Variants in CCDC144A observed in about 807,000 individuals in gnomAD.
CCDC144A encodes coiled-coil domain-containing protein 144A.
In CCDC144A, 41 loss-of-function variants were observed where a neutral mutation model predicts 143.8. That is an observed-to-expected ratio of 0.29 (90% confidence interval 0.22 to 0.37). The LOEUF is 0.37. CCDC144A is among the 10% of genes least tolerant of loss of function. The pLI is 1.00. For synonymous variants in CCDC144A, 242 were observed against 517.9 expected, an observed-to-expected ratio of 0.47 and a Z score of 7.23; for missense variants, 637 against 1,488.8, an observed-to-expected ratio of 0.43 and a Z score of 9.41.
intron 12 of CCDC144A, among the ~76,000 whole-genome samples, chr17:16,755,210 A>G (rs1915020344): frequency 6.6e-6 from 1 of 152,044 alleles, no homozygotes; most frequent in Non-Finnish European, 1.5e-5. Flanking sequence ...TTAATTGGGG[A>G]ATTTAAATCA....
At chr17:16,681,220 A>G in the CCDC144A span, among the ~76,000 whole-genome samples, 1 of 152,018 alleles carries the variant, frequency 6.6e-6, no homozygotes, top group South Asian at 2.1e-4. Flanking sequence ...GGATATTTAA[A>G]TCCCATGCCT....
intron 12 of CCDC144A, among the ~76,000 whole-genome samples, chr17:16,749,153 C>T (rs1208773395): frequency 1.3e-5 from 2 of 151,810 alleles, no homozygotes; most frequent in African/African-American, 2.4e-5. Context: ...TTATTTTGTT[C>T]TTGTTTTTTA....
In CCDC144A at chr17:16,690,579, G is replaced by A. The variant is rs773397079; in HGVS notation, c.179G>A (p.Ser60Asn). Reference sequence around the variant, plus strand: ...AGCTGGTGGAAAAACAGCGTCGGCAGCGAGAGCAAGCACGGTGAGGGCGCC... The same window carrying A: ...AGCTGGTGGAAAAACAGCGTCGGCAACGAGAGCAAGCACGGTGAGGGCGCC... ...PYSWWKNSVG[S>N]ESKHGEGALD... is the part of the protein sequence containing the mutation. Residue 60 changes from serine to asparagine, a missense_variant, in exon 1 of 17, where the codon AGC becomes AAC. By Grantham distance (46) the Ser-to-Asn change is conservative. Coordinates refer to ENST00000399273, the MANE Select transcript of CCDC144A (RefSeq NM_001382000.1). The A allele has an allele frequency of 1.2e-6, 2 of 1,613,802 alleles. No homozygotes were observed. Among genetic ancestry groups the A allele is most frequent in the South Asian group, 2.2e-5 (2 of 91,070 alleles).
At chr17:16,744,049 G>A (rs1318329708) in intron 12 of CCDC144A, among the ~76,000 whole-genome samples, 1 of 152,168 alleles carries the variant, frequency 6.6e-6, no homozygotes, top group Non-Finnish European at 1.5e-5. Context: ...ATTCCATATT[G>A]TATATGTGCT....
the CCDC144A span, among the ~76,000 whole-genome samples, chr17:16,670,187 A>C: frequency 6.6e-6 from 1 of 152,048 alleles, no homozygotes; most frequent in African/African-American, 2.4e-5. Flanking sequence ...TCTCAAAAAT[A>C]AAAAGTAAAG....
intron 6 of CCDC144A, among the ~76,000 whole-genome samples, chr17:16,714,055 ACTCT>A (rs1466326270): frequency 6.6e-6 from 1 of 151,162 alleles, no homozygotes; most frequent in South Asian, 2.1e-4. Flanking sequence ...CCAATGGAAA[ACTCT>A]CTCCTCCATA....
chr17:16,716,008 G>A (rs894719), intron 6 of CCDC144A, among the ~76,000 whole-genome samples: 15 of 152,212 alleles, frequency 9.9e-5, no homozygotes, highest in Non-Finnish European at 1.9e-4. Context: ...TGTTACAAAT[G>A]TAGCTACTAA....
intron 9 of CCDC144A, among the ~76,000 whole-genome samples, chr17:16,728,876 T>C (rs1036313625): frequency 6.6e-6 from 1 of 152,222 alleles, no homozygotes; most frequent in Admixed American, 6.5e-5. Context: ...TCACTTAGAA[T>C]AATGGCCTCC....
intron 15 of CCDC144A, among the ~76,000 whole-genome samples, chr17:16,768,306 G>C (rs1915692150): frequency 1.3e-5 from 2 of 151,572 alleles, no homozygotes; most frequent in Admixed American, 6.6e-5. Context: ...AATAAAACTT[G>C]TTTAATACCA....
the CCDC144A span, among the ~76,000 whole-genome samples, chr17:16,682,883 GTTTTTTTTTTTTTTTTTT>G: frequency 9.3e-4 from 43 of 46,456 alleles, no homozygotes; most frequent in South Asian, 7.9e-3. Context: ...TGGATTCTCT[GTTTTTTTTTTTTTTTTTT>G]TTTTTTTTTT....
At chr17:16,679,089 G>A in the CCDC144A span, among the ~76,000 whole-genome samples, 1 of 63,916 alleles carries the variant, frequency 1.6e-5, no homozygotes, top group Non-Finnish European at 2.7e-5. Flanking sequence ...TAGAGATGGC[G>A]GGGGGGGGTC....
intron 8 of CCDC144A, among the ~76,000 whole-genome samples, chr17:16,721,909 T>C (rs1913111871): frequency 6.6e-6 from 1 of 152,226 alleles, no homozygotes; most frequent in African/African-American, 2.4e-5. Flanking sequence ...ACAGTTTTAC[T>C]TCTTCTTTTC....
the CCDC144A span, among the ~76,000 whole-genome samples, chr17:16,679,949 C>T: frequency 6.6e-5 from 10 of 151,994 alleles, no homozygotes; most frequent in African/African-American, 1.9e-4. Context: ...TGTTTACCTT[C>T]TGTTATAAAG....
chr17:16,675,183 C>T, the CCDC144A span, among the ~76,000 whole-genome samples: 7 of 150,866 alleles, frequency 4.6e-5, no homozygotes, highest in Admixed American at 2.0e-4. Flanking sequence ...GCAAGAGAAG[C>T]GCCTGAACCT....
Position 16,736,235 on chromosome 17 carries a change from CTTTTTTT to C in CCDC144A, c.3372+607_3372+613del, listed in dbSNP as rs71214289. 1.5e-4 allele frequency among the ~76,000 whole-genome samples: 15 copies of C among 98,198 alleles called. No individual in the cohort carries two copies. In the South Asian group the frequency reaches 1.9e-3, roughly 12 times the overall value. 64.4% of individuals were successfully genotyped at this position (98,198 alleles called of 152,430 possible). ...CCTCTCAATTCTTTAAAGGCATTTA[CTTTTTTT>C]TTTTTTTTTTTTTTGAGATGGAATT... On this transcript the variant is annotated intron_variant, in intron 12 of 16. Transcript: ENST00000399273.
chr17:16,733,639 G>A (rs964109924), intron 11 of CCDC144A, among the ~76,000 whole-genome samples: 1 of 150,364 alleles, frequency 6.7e-6, no homozygotes, highest in Non-Finnish European at 1.5e-5. Flanking sequence ...TCTAAGAAAA[G>A]CTCTGTAACT....
At chr17:16,704,545 C>T (rs1834408998) in intron 2 of CCDC144A, among the ~76,000 whole-genome samples, 1 of 151,246 alleles carries the variant, frequency 6.6e-6, no homozygotes, top group Admixed American at 6.6e-5. Context: ...TTTCCTGTCT[C>T]GTGGCACTGT....
chr17:16,695,986 G>C (rs1260824808), intron 2 of CCDC144A, among the ~76,000 whole-genome samples: 1 of 152,016 alleles, frequency 6.6e-6, no homozygotes, highest in Non-Finnish European at 1.5e-5. Flanking sequence ...GTGAATGGTT[G>C]GGAATGAAGT....
chr17:16,763,449 G>A (rs1458949192), intron 14 of CCDC144A, among the ~76,000 whole-genome samples: 5 of 149,316 alleles, frequency 3.3e-5, no homozygotes, highest in African/African-American at 5.0e-5. Flanking sequence ...AACATGTATT[G>A]TTTACTAAAT....
Sources: gnomAD v4.1 joint callset for allele counts (sites outside exome capture counted in the v4.1 genomes callset) on GRCh38, gnomAD v4.1.1 for gene constraint, MANE v1.5 for transcripts, NCBI Gene and HGNC (gene_info 2026-07-23, HGNC 2026-07-21) for gene names.